Variants in NRXN3 observed in about 807,000 individuals in gnomAD.
NRXN3 encodes the protein neurexin 3.
A neutral mutation model predicts 137.6 loss-of-function variants in NRXN3; 32 were observed. The observed-to-expected ratio is 0.23, with a 90% confidence interval of 0.18 to 0.31. NRXN3 has a LOEUF of 0.31. Among genes scored for constraint, NRXN3 ranks in the 10% least tolerant of loss-of-function variants. NRXN3 has a pLI of 1.00. For missense variants in NRXN3, 1,574 were observed against 2,062.5 expected (o/e 0.76, Z 4.59); for synonymous variants, 798 against 784.5 (o/e 1.02, Z -0.29).
At chr14:79,006,072 AGT>A (rs1396151283) in intron 15 of NRXN3, among the ~76,000 whole-genome samples, 1 of 131,804 alleles carries the variant, frequency 7.6e-6, no homozygotes, top group Non-Finnish European at 1.5e-5. Context: ...TTTTTGAGCA[AGT>A]GTGTGATATG....
chr14:78,612,134 G>A (rs1414485617), intron 4 of NRXN3, among the ~76,000 whole-genome samples: 6 of 152,156 alleles, frequency 3.9e-5, no homozygotes, highest in African/African-American at 7.2e-5. Context: ...TTGGCATGAG[G>A]AAAACCCTTC....
intron 20 of NRXN3, among the ~76,000 whole-genome samples, chr14:79,820,510 T>G (rs2099268406): frequency 6.6e-6 from 1 of 152,220 alleles, no homozygotes; most frequent in African/African-American, 2.4e-5. Flanking sequence ...TAAGAAGTTT[T>G]TGTTTCTAAC....
chr14:79,434,292 G>C (rs1252236565), intron 15 of NRXN3, among the ~76,000 whole-genome samples: 1 of 152,074 alleles, frequency 6.6e-6, no homozygotes, highest in African/African-American at 2.4e-5. Context: ...CAGCCCAGAG[G>C]CAGCCATGCG....
intron 15 of NRXN3, among the ~76,000 whole-genome samples, chr14:79,130,501 T>C (rs2152958376): frequency 6.6e-6 from 1 of 152,224 alleles, no homozygotes; most frequent in East Asian, 1.9e-4. Context: ...ATGTTGAATA[T>C]TGGCCCCCAC....
chr14:79,635,479 A>G (rs2098396811), intron 16 of NRXN3, among the ~76,000 whole-genome samples: 1 of 152,188 alleles, frequency 6.6e-6, no homozygotes, highest in African/African-American at 2.4e-5. Flanking sequence ...AAAGTGTCAC[A>G]AACTGGGTGG....
At chr14:79,040,050 C>G (rs543090440) in intron 15 of NRXN3, among the ~76,000 whole-genome samples, 1 of 152,300 alleles carries the variant, frequency 6.6e-6, no homozygotes, top group African/African-American at 2.4e-5. Context: ...AAGTGTACAG[C>G]TAATCTGAAG....
chr14:79,632,831 C>A (rs1391184709), intron 16 of NRXN3, among the ~76,000 whole-genome samples: 2 of 152,086 alleles, frequency 1.3e-5, no homozygotes, highest in African/African-American at 4.8e-5. Context: ...AGTTGCACGA[C>A]CTGGATCAAT....
At chr14:79,073,246 CT>C (rs1391773626) in intron 15 of NRXN3, among the ~76,000 whole-genome samples, 1 of 152,060 alleles carries the variant, frequency 6.6e-6, no homozygotes, top group Admixed American at 6.6e-5. Context: ...GATATCCCCC[CT>C]TTTTTGGAGA....
At chr14:78,623,868 G>A (rs915818084) in intron 4 of NRXN3, among the ~76,000 whole-genome samples, 10 of 152,122 alleles carry the variant, frequency 6.6e-5, no homozygotes, top group African/African-American at 2.2e-4. Context: ...CATGGCACCC[G>A]GGCTGATGCC....
chr14:79,621,803 C>T (rs1450347093), intron 16 of NRXN3, among the ~76,000 whole-genome samples: 1 of 152,176 alleles, frequency 6.6e-6, no homozygotes, highest in East Asian at 1.9e-4. Context: ...CTTAATCCAA[C>T]AGCTTTCTCA....
At chr14:79,771,074 G>T (rs575782317) in intron 19 of NRXN3, among the ~76,000 whole-genome samples, 8 of 152,276 alleles carry the variant, frequency 5.3e-5, no homozygotes, top group African/African-American at 1.9e-4. Flanking sequence ...GACTAAACCA[G>T]GAAGAAATTG....
intron 16 of NRXN3, among the ~76,000 whole-genome samples, chr14:79,622,500 T>G (rs191229750): frequency 6.6e-6 from 1 of 152,214 alleles, no homozygotes; most frequent in Admixed American, 6.5e-5. Context: ...AAAGGTTAAA[T>G]GAGTGAAGAT....
At chr14:78,522,851 G>A (rs2096305213) in intron 4 of NRXN3, among the ~76,000 whole-genome samples, 1 of 152,150 alleles carries the variant, frequency 6.6e-6, no homozygotes. Flanking sequence ...TCATTAATTA[G>A]CGAGAGAAGA....
intron 10 of NRXN3, among the ~76,000 whole-genome samples, chr14:78,900,423 C>A (rs2099192005): frequency 6.7e-6 from 1 of 150,208 alleles, no homozygotes; most frequent in African/African-American, 2.5e-5. Flanking sequence ...TTGAAGGCAG[C>A]AACCTCCTTC....
intron 10 of NRXN3, among the ~76,000 whole-genome samples, chr14:78,895,005 A>G (rs2152718669): frequency 6.6e-6 from 1 of 151,798 alleles, no homozygotes; most frequent in South Asian, 2.1e-4. Flanking sequence ...CCATTTACAG[A>G]GCACAGGCAG....
chr14:79,133,337 A>G (rs1422289973), intron 15 of NRXN3, among the ~76,000 whole-genome samples: 1 of 151,376 alleles, frequency 6.6e-6, no homozygotes, highest in African/African-American at 2.4e-5. Flanking sequence ...GCCCCTCTAG[A>G]AGTTTATGTT....
At chr14:78,606,094 G>A (rs2097250337) in intron 4 of NRXN3, among the ~76,000 whole-genome samples, 2 of 152,082 alleles carry the variant, frequency 1.3e-5, no homozygotes, top group Non-Finnish European at 2.9e-5. Context: ...CAAGGGACAT[G>A]GGTACAAGAC....
At chr14:78,934,275 T>C (rs921003042) in intron 10 of NRXN3, among the ~76,000 whole-genome samples, 1 of 152,112 alleles carries the variant, frequency 6.6e-6, no homozygotes, top group Non-Finnish European at 1.5e-5. Context: ...GTCTTATTCT[T>C]TAAAGGCCAT....
chr14:79,121,521 C>T (rs1161174887), intron 15 of NRXN3, among the ~76,000 whole-genome samples: 1 of 152,212 alleles, frequency 6.6e-6, no homozygotes, highest in Non-Finnish European at 1.5e-5. Flanking sequence ...TTAAATTTCA[C>T]TCTAAACATT....
Sources: allele counts gnomAD v4.1 joint callset (sites outside exome capture counted in the v4.1 genomes callset), GRCh38; gene constraint gnomAD v4.1.1; transcripts MANE v1.5; gene names NCBI Gene and HGNC (gene_info 2026-07-23, HGNC 2026-07-21).